The following CDH5 variants were observed in gnomAD, a reference collection of about 807,000 sequenced individuals.
The protein encoded by CDH5 is cadherin-5.
In CDH5, 28 loss-of-function variants were observed where a neutral mutation model predicts 62.0. That is an observed-to-expected ratio of 0.45 (90% CI 0.33 to 0.62). The LOEUF is 0.62. Among genes scored for constraint, CDH5 ranks in the 20% least tolerant of loss-of-function variants. The pLI is 0.02. For missense variants in CDH5, 940 were observed against 1,065.1 expected (o/e 0.88, Z 1.63); for synonymous variants, 464 against 445.8 (o/e 1.04, Z -0.52).
intron 7 of CDH5, among the ~76,000 whole-genome samples, chr16:66,393,277 T>G (rs1440266370): frequency 6.6e-6 from 1 of 152,228 alleles, no homozygotes; most frequent in Non-Finnish European, 1.5e-5. Context: ...TCCATCATTC[T>G]ATAGCAAAGC....
At chr16:66,386,768 C>T (rs779658787) in intron 2 of CDH5, 41 bp from the exon 3 acceptor site, 43 of 1,537,418 alleles carry the variant, frequency 2.8e-5, no homozygotes, top group Non-Finnish European at 3.7e-5. Flanking sequence ...CACACAGCCA[C>T]TGCCGCCCAT....
chr16:66,393,239 C>T (rs936954072), intron 7 of CDH5, among the ~76,000 whole-genome samples: 2 of 152,144 alleles, frequency 1.3e-5, no homozygotes, highest in Non-Finnish European at 2.9e-5. Context: ...CTGTATATAC[C>T]TGTATCTACT....
chr16:66,386,981 G>T lies in CDH5; in HGVS notation c.383G>T (p.Gly128Val). The T allele has an allele frequency of 6.2e-7, 1 of 1,614,150 alleles. No homozygotes were observed. Among genetic ancestry groups the T allele is most frequent in the Non-Finnish European group, 8.5e-7 (1 of 1,180,036 alleles). Residue 128 changes from glycine (G) to valine (V), a missense_variant, in exon 3 of 12, where the codon GGC becomes GTC. Coordinates refer to ENST00000341529, the MANE Select transcript of CDH5 (RefSeq NM_001795.5). ...LTAVIVDKDT[G>V]ENLETPSSFT... ...GCTGTCATTGTGGACAAGGACACTG[G>T]CGAAAACCTGGAGACTCCTTCCAGC...
intron 7 of CDH5, chr16:66,395,450 A>G (rs943815919): frequency 6.9e-6 from 1 of 145,200 alleles, no homozygotes; most frequent in Non-Finnish European, 1.5e-5. Context: ...TGTCAATGAC[A>G]TCTTATAATG....
chr16:66,379,879 T>G (rs1459088082), intron 2 of CDH5, among the ~76,000 whole-genome samples: 1 of 135,262 alleles, frequency 7.4e-6, no homozygotes, highest in Non-Finnish European at 1.6e-5. Context: ...TGGTGGTGGC[T>G]GTGATGGTGG....
chr16:66,390,446 C>T lies in CDH5; in HGVS notation c.825C>T (p.Thr275=), dbSNP rs376948595. Residue 275 remains threonine (T), a synonymous_variant, in exon 6 of 12, where the codon ACC becomes ACT. Coordinates refer to ENST00000341529, the MANE Select transcript of CDH5 (RefSeq NM_001795.5). ...FVVPEDTRVG[T]SVGSLFVEDP... is the part of the protein sequence containing the mutation. ...TGCCTGAAGACACCCGTGTGGGCAC[C>T]TCTGTGGGCTCTCTGTTTGTTGAGG... is the stretch of plus-strand genomic sequence containing the variant. 2.0e-5 allele frequency: 33 copies of T among 1,614,022 alleles called. No individual in the cohort carries two copies. The highest frequency in any genetic ancestry group is 2.7e-5 in the Non-Finnish European group (32 of 1,180,036).
intron 8 of CDH5, among the ~76,000 whole-genome samples, chr16:66,397,217 A>T (rs899061361): frequency 6.6e-6 from 1 of 152,092 alleles, no homozygotes; most frequent in African/African-American, 2.4e-5. Flanking sequence ...TTCTCATGGT[A>T]CTAATTTTTT....
rs758270610 is a variant in CDH5, at chr16:66,400,850, C to T, written c.1671C>T (p.Ile557=). 21 of 1,614,228 alleles carry T rather than the reference C, an allele frequency of 1.3e-5. No homozygotes were observed. The highest frequency in any genetic ancestry group is 1.5e-5 in the Non-Finnish European group (18 of 1,180,038). ...AGGTCCACTTCCTACCCGTGGTCAT[C>T]TCAGACAATGGGATGCCAAGTCGCA... ...HTKVHFLPVV[I]SDNGMPSRTG... Residue 557 remains isoleucine, a synonymous_variant, in exon 11 of 12, where the codon ATC becomes ATT. Transcript: ENST00000341529.
chr16:66,395,844 T>C, intron 7 of CDH5: 1 of 479,136 alleles, frequency 2.1e-6, no homozygotes, highest in East Asian at 3.6e-5. Context: ...AGTCCAGTGA[T>C]GGCAATGTAA....
rs138995636 is a variant in CDH5 at position 66,390,533 on chromosome 16, C to T, written c.912C>T (p.Asp304=). 150 of 1,614,136 alleles carry T rather than the reference C, an allele frequency of 9.3e-5. No individual in the cohort carries two copies. In the East Asian group the frequency reaches 2.0e-3, roughly 22 times the overall value. The part of the protein sequence containing the change: ...KYSILRGDYQ[D]AFTIETNPAH... ...GCATCTTGCGGGGCGACTACCAGGACGCTTTCACCATTGAGACAAACCCCG... is the reference window on the plus strand; with the variant it reads ...GCATCTTGCGGGGCGACTACCAGGATGCTTTCACCATTGAGACAAACCCCG... The change falls in exon 6 of 12, where the codon GAC becomes GAT. Residue 304 remains aspartate, a synonymous_variant. Transcript: ENST00000341529.
In CDH5 at chr16:66,389,449, G is replaced by T; in HGVS notation, c.708G>T (p.Arg236=). 6.2e-7 allele frequency: 1 copy of T among 1,613,268 alleles called. No homozygotes were observed. The highest frequency in any genetic ancestry group is 8.5e-7 in the Non-Finnish European group (1 of 1,179,568). Reference sequence around the variant, plus strand: ...AAGCGCGAGATGCCCAGGGCCTCCGGGGGGACTCGGGCACGGCCACCGTGC... The same window carrying T: ...AAGCGCGAGATGCCCAGGGCCTCCGTGGGGACTCGGGCACGGCCACCGTGC... ...VVEARDAQGL[R]GDSGTATVLV... is the part of the protein sequence containing the mutation. Residue 236 remains arginine, a synonymous_variant, in exon 5 of 12, where the codon CGG becomes CGT. Transcript: ENST00000341529.
chr16:66,379,136 G>C, intron 1 of CDH5, 183 bp from the exon 2 acceptor site: 3 of 546,030 alleles, frequency 5.5e-6, no homozygotes, highest in East Asian at 5.9e-5. Flanking sequence ...TCCTAAAACC[G>C]ACCTTTCATC....
chr16:66,401,953 C>A (rs1378027191), intron 11 of CDH5, among the ~76,000 whole-genome samples: 8 of 152,192 alleles, frequency 5.3e-5, no homozygotes, highest in African/African-American at 1.9e-4. Context: ...CTGTAGCCCT[C>A]CTGAGAGTGG....
chr16:66,392,498 A>G (rs748899808), intron 7 of CDH5, 115 bp downstream of exon 7: 3 of 1,409,716 alleles, frequency 2.1e-6, no homozygotes, highest in Non-Finnish European at 1.9e-6. Flanking sequence ...TAGCACTTAC[A>G]GGGAAAGTGA....
chr16:66,398,972 G>C (rs1961237080), intron 10 of CDH5, among the ~76,000 whole-genome samples: 1 of 152,196 alleles, frequency 6.6e-6, no homozygotes, highest in Non-Finnish European at 1.5e-5. Flanking sequence ...GAGCCAGCGA[G>C]GAGTACAGAA....
rs531305260 is a variant in CDH5, at chr16:66,400,600, G to A, written c.1592-171G>A. Reference sequence around the variant, plus strand: ...TGCCCCAAAATATCCCCTCTGTGGCGGAACAGACCTGCACTCAGATGGCTG... The same window carrying A: ...TGCCCCAAAATATCCCCTCTGTGGCAGAACAGACCTGCACTCAGATGGCTG... On this transcript the variant is annotated intron_variant, in intron 10 of 11. Transcript: ENST00000341529. 2.0e-3 allele frequency among the ~76,000 whole-genome samples: 309 copies of A among 152,292 alleles called. 2 individuals are homozygous for A. Among genetic ancestry groups the A allele is most frequent in the African/African-American group, 7.0e-3 (292 of 41,570 alleles).
At chr16:66,381,621 G>C (rs1445212914) in intron 2 of CDH5, among the ~76,000 whole-genome samples, 1 of 152,172 alleles carries the variant, frequency 6.6e-6, no homozygotes, top group Non-Finnish European at 1.5e-5. Flanking sequence ...AGAAAGGAAG[G>C]ACCATTCCAA....
chr16:66,379,097 A>G (rs1166554972), intron 1 of CDH5: 1 of 534,912 alleles, frequency 1.9e-6, no homozygotes, highest in Non-Finnish European at 3.3e-6. Context: ...AGGGAAATTT[A>G]TCTTAAATGC....
rs192967747 is a variant in CDH5 at position 66,397,939 on chromosome 16, G to C, written c.1361-43G>C. On this transcript the variant is annotated intron_variant, in intron 8 of 11. Coordinates refer to ENST00000341529, the MANE Select transcript of CDH5 (RefSeq NM_001795.5). ...ACACATCTTCCACCGCCCAAGGCCA[G>C]CATCAGCTGAGCCCATAATGGTGAC... 1.7e-3 allele frequency: 2,671 copies of C among 1,612,762 alleles called. 5 individuals are homozygous for C. Among genetic ancestry groups the C allele is most frequent in the Non-Finnish European group, 2.1e-3 (2,473 of 1,178,892 alleles).
Sources: allele counts gnomAD v4.1 joint callset (sites outside exome capture counted in the v4.1 genomes callset), GRCh38; gene constraint gnomAD v4.1.1; transcripts MANE v1.5; gene names NCBI Gene and HGNC (gene_info 2026-07-23, HGNC 2026-07-21).